LDLRAD4: variants seen among roughly 807,000 people sequenced by gnomAD.
LDLRAD4 encodes low-density lipoprotein receptor class A domain-containing protein 4.
In LDLRAD4, 5 loss-of-function variants were observed where a neutral mutation model predicts 17.0. The observed-to-expected ratio is 0.29, with a 90% CI of 0.15 to 0.62. The LOEUF (loss-of-function observed/expected upper bound fraction) is 0.62, where lower values mean the gene tolerates loss of function less well. Ranked by LOEUF, LDLRAD4 falls within the 20% of genes least tolerant of loss-of-function variation. LDLRAD4 has a pLI of 0.84. For synonymous variants in LDLRAD4, 168 were observed against 171.8 expected (o/e 0.98, Z 0.17); for missense variants, 340 against 424.7 (o/e 0.80, Z 1.75).
chr18:13,546,354 A>T (rs148054011), intron 3 of LDLRAD4, among the ~76,000 whole-genome samples: 1 of 149,830 alleles, frequency 6.7e-6, no homozygotes, highest in African/African-American at 2.5e-5. Flanking sequence ...AAGATTGAAG[A>T]TGGCCTCCCC....
intron 1 of LDLRAD4, among the ~76,000 whole-genome samples, chr18:13,333,106 A>G (rs1390394820): frequency 6.6e-6 from 1 of 152,160 alleles, no homozygotes; most frequent in African/African-American, 2.4e-5. Context: ...GATTTCGGCC[A>G]TTCTAATAGG....
intron 3 of LDLRAD4, among the ~76,000 whole-genome samples, chr18:13,536,039 C>T (rs375342174): frequency 1.2e-4 from 19 of 152,246 alleles, no homozygotes; most frequent in African/African-American, 4.3e-4. Context: ...ATATCATTGT[C>T]TCTTGATTAC....
chr18:13,628,582 T>A (rs922836751), intron 4 of LDLRAD4, among the ~76,000 whole-genome samples: 1 of 152,216 alleles, frequency 6.6e-6, no homozygotes, highest in Non-Finnish European at 1.5e-5. Flanking sequence ...AATTGAAGCA[T>A]TAGAGGATAG....
At position 13,445,679 on chromosome 18, in the gene LDLRAD4, CATGT is replaced by C. The variant is rs544267979; in HGVS notation, c.181+7300_181+7303del. On this transcript the variant is annotated intron_variant, in intron 3 of 5. Coordinates refer to ENST00000359446, the Ensembl canonical transcript of LDLRAD4. ...GCATGAGTGTGTTTGCGTGTGTGTGCATGTATGTGTGTAGGTGAGGGTGTGTGAT... is the reference window on the plus strand; with the variant it reads ...GCATGAGTGTGTTTGCGTGTGTGTGCATGTGTGTAGGTGAGGGTGTGTGAT... Among the ~76,000 whole-genome samples, 22 of 148,272 alleles carry C rather than the reference CATGT, an allele frequency of 1.5e-4. No homozygotes were observed. In the South Asian group the frequency reaches 4.8e-3, roughly 32 times the overall value.
chr18:13,566,374 T>C (rs1470048293), intron 3 of LDLRAD4, among the ~76,000 whole-genome samples: 1 of 151,206 alleles, frequency 6.6e-6, no homozygotes, highest in Non-Finnish European at 1.5e-5. Context: ...AGACTTTTTT[T>C]TTTTTTTGAG....
At chr18:13,295,732 C>G (rs1013594847) in intron 1 of LDLRAD4, among the ~76,000 whole-genome samples, 40 of 152,246 alleles carry the variant, frequency 2.6e-4, no homozygotes, top group Admixed American at 2.6e-3. Flanking sequence ...AATAGCATAG[C>G]TGCTGTGGCT....
chr18:13,612,788 GA>G, intron 3 of LDLRAD4: 6 of 1,613,980 alleles, frequency 3.7e-6, no homozygotes, highest in Non-Finnish European at 5.1e-6. Flanking sequence ...CATTTCCCAA[GA>G]ACTGCTATGG....
chr18:13,278,723 T>A (rs971013683), intron 1 of LDLRAD4, among the ~76,000 whole-genome samples: 2 of 152,216 alleles, frequency 1.3e-5, no homozygotes, highest in Non-Finnish European at 2.9e-5. Context: ...GGGAAATCCC[T>A]TTCTAGAATG....
chr18:13,276,142 G>C (rs1230142061), upstream of LDLRAD4, among the ~76,000 whole-genome samples: 4 of 152,068 alleles, frequency 2.6e-5, no homozygotes, highest in Non-Finnish European at 5.9e-5. Context: ...CCGAGTAGCT[G>C]GAACTACAGG....
intron 3 of LDLRAD4, among the ~76,000 whole-genome samples, chr18:13,602,909 G>A: frequency 6.6e-6 from 1 of 152,122 alleles, no homozygotes; most frequent in Non-Finnish European, 1.5e-5. Flanking sequence ...AGGTTCCAAG[G>A]AATCCTATTG....
chr18:13,279,628 G>T (rs2045125675), intron 1 of LDLRAD4: 3 of 152,166 alleles, frequency 2.0e-5, no homozygotes, highest in Non-Finnish European at 4.4e-5. Flanking sequence ...CCTTATGTGG[G>T]GTTACCTCAC....
exon 6 of LDLRAD4, chr18:13,650,186 C>T (rs370153972): frequency 2.0e-5 from 8 of 399,578 alleles, no homozygotes; most frequent in African/African-American, 4.1e-5. Flanking sequence ...CTTTATTACC[C>T]GGCACGCTGT....
At chr18:13,288,336 A>G (rs1311934086) in intron 1 of LDLRAD4, among the ~76,000 whole-genome samples, 1 of 152,198 alleles carries the variant, frequency 6.6e-6, no homozygotes, top group South Asian at 2.1e-4. Flanking sequence ...TCTCTTCCCT[A>G]TCTGTTTAAA....
At chr18:13,567,470 C>T (rs1185416828) in intron 3 of LDLRAD4, among the ~76,000 whole-genome samples, 10 of 152,136 alleles carry the variant, frequency 6.6e-5, no homozygotes, top group Admixed American at 6.5e-4. Context: ...CTGCAGCCCC[C>T]CAGGAGTTAC....
intron 3 of LDLRAD4, among the ~76,000 whole-genome samples, chr18:13,445,985 T>G (rs990663739): frequency 4.6e-5 from 7 of 152,198 alleles, no homozygotes; most frequent in African/African-American, 1.7e-4. Context: ...TTCAAAGGGT[T>G]GTTCTGAGGA....
intron 1 of LDLRAD4, among the ~76,000 whole-genome samples, chr18:13,368,165 T>A (rs1438700774): frequency 1.3e-5 from 2 of 152,134 alleles, no homozygotes; most frequent in Non-Finnish European, 2.9e-5. Flanking sequence ...CAGGGGATGC[T>A]TCCTGCACCA....
intron 3 of LDLRAD4, among the ~76,000 whole-genome samples, chr18:13,588,751 C>T (rs1274210152): frequency 6.6e-6 from 1 of 152,086 alleles, no homozygotes; most frequent in Non-Finnish European, 1.5e-5. Flanking sequence ...CCACTCATGT[C>T]ACCGCTAGTT....
At chr18:13,248,392 C>T in intron 1 of LDLRAD4, among the ~76,000 whole-genome samples, 1 of 152,342 alleles carries the variant, frequency 6.6e-6, no homozygotes, top group East Asian at 1.9e-4. Flanking sequence ...TCTGGATGCC[C>T]AGTGTCCTCC....
At chr18:13,619,115 G>A (rs1018569712) in intron 3 of LDLRAD4, among the ~76,000 whole-genome samples, 4 of 152,174 alleles carry the variant, frequency 2.6e-5, no homozygotes, top group African/African-American at 4.8e-5. Flanking sequence ...GTGCTGAGTC[G>A]CTCATCAATT....
Sources: allele counts gnomAD v4.1 joint callset (sites outside exome capture counted in the v4.1 genomes callset), GRCh38; gene constraint gnomAD v4.1.1; transcripts MANE v1.5; gene names NCBI Gene and HGNC (gene_info 2026-07-23, HGNC 2026-07-21).